Variants in FAM120B observed in about 807,000 individuals in gnomAD.
FAM120B encodes the protein family with sequence similarity 120 member B, also known as constitutive coactivator of peroxisome proliferator-activated receptor gamma.
Under a neutral mutation model 96.3 loss-of-function variants are expected in FAM120B, and 83 were observed. That is an observed-to-expected ratio of 0.86 (90% CI 0.72 to 1.03). The LOEUF is 1.03. FAM120B is among the 50% of genes least tolerant of loss of function. FAM120B has a pLI of 0.00. For missense variants in FAM120B, 1,027 were observed against 1,121.2 expected, an observed-to-expected ratio of 0.92 and a Z score of 1.20; for synonymous variants, 407 against 402.7, an observed-to-expected ratio of 1.01 and a Z score of -0.13.
upstream of FAM120B, chr6:170,295,288 C>G: frequency 1.5e-6 from 1 of 651,088 alleles, no homozygotes; most frequent in Non-Finnish European, 2.8e-6. This position sits in a 1 kb window ranked among gnomAD's most constrained non-coding sequence, Gnocchi z 7.8. Context: ...TGCCCAGCCA[C>G]GCCCACCCAA....
chr6:170,290,784 T>C (rs916307129), upstream of FAM120B: 1 of 535,594 alleles, frequency 1.9e-6, no homozygotes, highest in South Asian at 2.1e-5. The surrounding 1 kb of genome is among the most constrained non-coding windows in gnomAD (Gnocchi z 4.7). Context: ...GTCTTTCCGA[T>C]GAATCCAGCC....
rs935357903 is a variant in FAM120B at position 170,358,217 on chromosome 6, C to A, written c.2191-9C>A. ...TAGCCTAACACTGGCCTTTCTCTGT[C>A]CTTTTCAGGTGGACACGCTTTGCCT... is the stretch of plus-strand genomic sequence containing the variant. On this transcript the variant is annotated splice_polypyrimidine_tract_variant and intron_variant, in intron 5 of 10. Coordinates refer to ENST00000476287, the MANE Select transcript of FAM120B (RefSeq NM_032448.3). The A allele has an allele frequency of 1.9e-6, 3 of 1,587,812 alleles. No individual in the cohort carries two copies. The highest frequency in any genetic ancestry group is 2.6e-6 in the Non-Finnish European group (3 of 1,160,378).
chr6:170,397,243 G>T (rs1475538864), intron 9 of FAM120B, among the ~76,000 whole-genome samples: 3 of 152,260 alleles, frequency 2.0e-5, no homozygotes, highest in Non-Finnish European at 4.4e-5. Context: ...CCAAGAGGAA[G>T]GTGAGCGTGT....
chr6:170,326,844 T>A (rs1305111056), intron 3 of FAM120B, among the ~76,000 whole-genome samples: 1 of 152,036 alleles, frequency 6.6e-6, no homozygotes, highest in East Asian at 1.9e-4. Flanking sequence ...GCTGAAGGGA[T>A]CCTCCTACCT....
At chr6:170,372,684 A>T (rs1389671597) in intron 6 of FAM120B, among the ~76,000 whole-genome samples, 1 of 152,126 alleles carries the variant, frequency 6.6e-6, no homozygotes, top group Admixed American at 6.6e-5. Context: ...GAGCATCTTT[A>T]CCAACATGGG....
intron 6 of FAM120B, among the ~76,000 whole-genome samples, chr6:170,369,525 C>T (rs1393794803): frequency 2.0e-5 from 3 of 152,116 alleles, no homozygotes; most frequent in Non-Finnish European, 2.9e-5. Flanking sequence ...CAGAGAATTC[C>T]GAGTCCAGTT....
chr6:170,324,591 T>C (rs1165823060), intron 3 of FAM120B, among the ~76,000 whole-genome samples: 1 of 152,250 alleles, frequency 6.6e-6, no homozygotes, highest in Non-Finnish European at 1.5e-5. Flanking sequence ...TTTCAGACTA[T>C]TTCATTAAAC....
upstream of FAM120B, among the ~76,000 whole-genome samples, chr6:170,291,350 ACGCGGCCTCCGAAACTCCGGGC>A (rs1483521861): frequency 6.6e-6 from 1 of 151,092 alleles, no homozygotes; most frequent in African/African-American, 2.4e-5. Flanking sequence ...GAGCGGCGGG[ACGCGGCCTCCGAAACTCCGGGC>A]CGCGGCGGCA....
rs961730705 is a variant in FAM120B, at chr6:170,370,820, C to T, written c.2283+12502C>T. On this transcript the variant is annotated intron_variant, in intron 6 of 10. Transcript: ENST00000476287. The surrounding 1 kb of genome is among the most constrained non-coding windows in gnomAD (Gnocchi z 4.3). ...ACAATTATTCCTATTCTTCATTATG[C>T]TGAGGTCTCAGGATGGTTGTGCGTC... Among the ~76,000 whole-genome samples, 2 of 152,124 alleles carry T rather than the reference C, an allele frequency of 1.3e-5. No homozygotes were observed. The highest frequency in any genetic ancestry group is 2.9e-5 in the Non-Finnish European group (2 of 68,024).
rs1783987889 is a variant in FAM120B at position 170,295,866 on chromosome 6, GGCCAGGCCCGCTGCGAGCA to G, written c.48+416_48+434del. 6.6e-6 allele frequency among the ~76,000 whole-genome samples: 1 copy of G among 152,112 alleles called. No homozygotes were observed. Among genetic ancestry groups the G allele is most frequent in the African/African-American group, 2.4e-5 (1 of 41,440 alleles). On this transcript the variant is annotated intron_variant, in intron 1 of 10. Transcript: ENST00000537664. This position sits in a 1 kb window ranked among gnomAD's most constrained non-coding sequence, Gnocchi z 7.8. ...TCGCGTGCGTGGAGCCCGGGGCCGA[GGCCAGGCCCGCTGCGAGCA>G]GCGGAGGCATGTGCTGATTTGCATG...
At chr6:170,305,412 C>CGA (rs1315187760), upstream of FAM120B, among the ~76,000 whole-genome samples, 1 of 152,204 alleles carries the variant, frequency 6.6e-6, no homozygotes, top group Non-Finnish European at 1.5e-5. Context: ...TATGCTGAAT[C>CGA]GAGATTCCTT....
intron 9 of FAM120B, among the ~76,000 whole-genome samples, chr6:170,397,219 T>G (rs2115333136): frequency 6.6e-6 from 1 of 152,332 alleles, no homozygotes; most frequent in South Asian, 2.1e-4. Context: ...ACATGAGCCA[T>G]GGTGAGGGTG....
chr6:170,398,883 T>A (rs1778369299), intron 9 of FAM120B, among the ~76,000 whole-genome samples: 1 of 151,382 alleles, frequency 6.6e-6, no homozygotes, highest in African/African-American at 2.4e-5. Context: ...AACTATGTCA[T>A]AACTTAGGAG....
At chr6:170,379,492 C>G (rs963470574) in intron 6 of FAM120B, among the ~76,000 whole-genome samples, 1 of 152,160 alleles carries the variant, frequency 6.6e-6, no homozygotes, top group Non-Finnish European at 1.5e-5. Context: ...AGTTGAGCAT[C>G]TCTAATCCAA....
At chr6:170,374,141 T>TG (rs1242151200) in intron 6 of FAM120B, among the ~76,000 whole-genome samples, 1 of 152,222 alleles carries the variant, frequency 6.6e-6, no homozygotes, top group Non-Finnish European at 1.5e-5. Context: ...CCTCTGGTCC[T>TG]GACACCACTC....
At chr6:170,290,948 C>G, upstream of FAM120B, 1 of 700,006 alleles carries the variant, frequency 1.4e-6, no homozygotes, top group Non-Finnish European at 2.6e-6. This position sits in a 1 kb window ranked among gnomAD's most constrained non-coding sequence, Gnocchi z 4.7. Flanking sequence ...CGGCGCCTGC[C>G]GCCCTTATAT....
chr6:170,404,224 G>T, intron 9 of FAM120B: 1 of 271,912 alleles, frequency 3.7e-6, no homozygotes, highest in South Asian at 7.1e-5. Flanking sequence ...TCCATGGTGA[G>T]CCATCTGCAT....
intron 8 of FAM120B, among the ~76,000 whole-genome samples, chr6:170,394,706 C>A (rs1333568978): frequency 6.6e-6 from 1 of 152,034 alleles, no homozygotes; most frequent in African/African-American, 2.4e-5. Context: ...GCCATGCCTC[C>A]GTGGACACCG....
upstream of FAM120B, among the ~76,000 whole-genome samples, chr6:170,306,307 G>A (rs1309162094): frequency 6.6e-6 from 1 of 152,098 alleles, no homozygotes; most frequent in Non-Finnish European, 1.5e-5. Context: ...GCCCCCCGCT[G>A]TCCCCGTTTC....
Sources: allele counts gnomAD v4.1 joint callset (sites outside exome capture counted in the v4.1 genomes callset), GRCh38; gene constraint gnomAD v4.1.1; non-coding constraint Gnocchi (gnomAD v3.1); transcripts MANE v1.5; gene names NCBI Gene and HGNC (gene_info 2026-07-23, HGNC 2026-07-21).